The following OR9Q1 variants were observed in gnomAD, a reference collection of about 807,000 sequenced individuals.
The protein encoded by OR9Q1 is olfactory receptor family 9 subfamily Q member 1.
For missense variants in OR9Q1, 374 were observed against 378.8 expected, an observed-to-expected ratio of 0.99 and a Z score of 0.11; for synonymous variants, 153 against 148.6, an observed-to-expected ratio of 1.03 and a Z score of -0.22.
chr11:58,175,335 T>C (rs1408493763), intron 2 of OR9Q1, among the ~76,000 whole-genome samples: 3 of 152,002 alleles, frequency 2.0e-5, no homozygotes, highest in Admixed American at 2.0e-4. Context: ...GAGTATCCCT[T>C]GGGCTCTCCT....
intron 2 of OR9Q1, among the ~76,000 whole-genome samples, chr11:58,089,966 G>A (rs193046823): frequency 6.7e-6 from 1 of 149,722 alleles, no homozygotes; most frequent in East Asian, 1.9e-4. Flanking sequence ...TTTGTGCATA[G>A]GATTGTTTGT....
intron 2 of OR9Q1, among the ~76,000 whole-genome samples, chr11:58,169,091 C>A (rs1297199935): frequency 1.3e-5 from 2 of 152,110 alleles, no homozygotes; most frequent in Non-Finnish European, 2.9e-5. Context: ...ATTCTAAATG[C>A]AAAATAATTT....
chr11:58,074,527 T>A, intron 2 of OR9Q1, among the ~76,000 whole-genome samples: 1 of 152,236 alleles, frequency 6.6e-6, no homozygotes, highest in Non-Finnish European at 1.5e-5. Context: ...ATGGATAGAT[T>A]GCAACAATTT....
intron 2 of OR9Q1, among the ~76,000 whole-genome samples, chr11:58,088,687 A>T (rs2120059287): frequency 6.6e-6 from 1 of 151,438 alleles, no homozygotes; most frequent in Admixed American, 6.6e-5. Context: ...TTTTTCTTGT[A>T]AATTTGTTTA....
At chr11:58,100,998 G>T (rs1361112929) in intron 2 of OR9Q1, among the ~76,000 whole-genome samples, 1 of 151,986 alleles carries the variant, frequency 6.6e-6, no homozygotes, top group Non-Finnish European at 1.5e-5. Context: ...GAATGGTGGT[G>T]GTTATCAGAA....
chr11:58,107,756 C>G (rs952712828), intron 2 of OR9Q1, among the ~76,000 whole-genome samples: 28 of 95,468 alleles, frequency 2.9e-4, no homozygotes, highest in African/African-American at 8.3e-4. Flanking sequence ...TTTGTCTCTT[C>G]TTTAATTTCT....
intron 2 of OR9Q1, among the ~76,000 whole-genome samples, chr11:58,176,522 C>G (rs1012695541): frequency 4.6e-5 from 7 of 152,148 alleles, no homozygotes; most frequent in African/African-American, 1.7e-4. Flanking sequence ...AGGCTGTTCC[C>G]CAATCTCTGC....
intron 2 of OR9Q1, among the ~76,000 whole-genome samples, chr11:58,065,074 A>G (rs781376320): frequency 6.6e-6 from 1 of 152,178 alleles, no homozygotes; most frequent in Non-Finnish European, 1.5e-5. Context: ...GGAGGCACAT[A>G]AACAGCATCG....
chr11:58,166,153 T>A (rs994586363), intron 2 of OR9Q1, among the ~76,000 whole-genome samples: 3 of 152,356 alleles, frequency 2.0e-5, no homozygotes, highest in Middle Eastern at 6.8e-3. Context: ...CACATATTTT[T>A]GTTAGCATTT....
intron 2 of OR9Q1, among the ~76,000 whole-genome samples, chr11:58,135,524 A>G (rs1854181542): frequency 6.6e-6 from 1 of 152,196 alleles, no homozygotes; most frequent in South Asian, 2.1e-4. Flanking sequence ...CAGCACAAGC[A>G]GATGATACCA....
chr11:58,029,364 G>A (rs1853006463), intron 1 of OR9Q1, among the ~76,000 whole-genome samples: 1 of 152,124 alleles, frequency 6.6e-6, no homozygotes, highest in Admixed American at 6.5e-5. Context: ...GTTTCAAGAA[G>A]CAAGAAGAGG....
intron 2 of OR9Q1, among the ~76,000 whole-genome samples, chr11:58,087,234 A>C (rs1853642093): frequency 6.6e-6 from 1 of 151,782 alleles, no homozygotes; most frequent in East Asian, 1.9e-4. Context: ...ATTTTTACAA[A>C]TTTAATGCAT....
chr11:58,055,410 T>G (rs1853317962), intron 1 of OR9Q1, among the ~76,000 whole-genome samples: 1 of 152,096 alleles, frequency 6.6e-6, no homozygotes, highest in African/African-American at 2.4e-5. Context: ...CTAAAATTCA[T>G]GTTGAAACTT....
At chr11:58,075,342 C>A (rs917722400) in intron 2 of OR9Q1, 10 of 152,260 alleles carry the variant, frequency 6.6e-5, no homozygotes, top group Admixed American at 5.9e-4. Flanking sequence ...AAGTTGTATT[C>A]CTAGGGATTT....
chr11:58,078,839 C>T (rs2443424), intron 2 of OR9Q1, among the ~76,000 whole-genome samples: 139,951 of 152,238 alleles, frequency 0.92, 64,704 homozygotes, highest in South Asian at 0.97. Flanking sequence ...GGTTAAAATC[C>T]ACCTGTTGGC....
At chr11:58,085,776 T>C (rs915549636) in intron 2 of OR9Q1, among the ~76,000 whole-genome samples, 20 of 152,012 alleles carry the variant, frequency 1.3e-4, no homozygotes, top group African/African-American at 4.8e-4. Flanking sequence ...TTTTTAAAAA[T>C]GTCATTGACA....
At chr11:58,174,911 G>A (rs1007378679) in intron 2 of OR9Q1, among the ~76,000 whole-genome samples, 2 of 151,278 alleles carry the variant, frequency 1.3e-5, no homozygotes, top group Non-Finnish European at 2.9e-5. Flanking sequence ...TTCAAGACCA[G>A]CCTGGACAAC....
intron 2 of OR9Q1, among the ~76,000 whole-genome samples, chr11:58,127,751 A>G (rs1436625673): frequency 6.6e-6 from 1 of 152,162 alleles, no homozygotes; most frequent in Non-Finnish European, 1.5e-5. Flanking sequence ...TTGAGTGTTT[A>G]TATCTGGGGC....
At chr11:58,112,215 C>T (rs569809038) in intron 2 of OR9Q1, among the ~76,000 whole-genome samples, 1 of 152,126 alleles carries the variant, frequency 6.6e-6, no homozygotes, top group African/African-American at 2.4e-5. Flanking sequence ...ATTTCTTGAA[C>T]CCGGGAGGTG....
Sources: gnomAD v4.1 joint callset for allele counts (sites outside exome capture counted in the v4.1 genomes callset) on GRCh38, gnomAD v4.1.1 for gene constraint, MANE v1.5 for transcripts, NCBI Gene and HGNC (gene_info 2026-07-23, HGNC 2026-07-21) for gene names.